The following MACF1 variants were observed in gnomAD, a reference collection of about 807,000 sequenced individuals.
MACF1 encodes microtubule-actin cross-linking factor 1.
MACF1 carries 193 observed loss-of-function variants against 854.8 expected under a neutral mutation model. That is an observed-to-expected ratio of 0.23 (90% confidence interval 0.20 to 0.25). MACF1 has a LOEUF of 0.25. Ranked by LOEUF, MACF1 falls within the 10% of genes least tolerant of loss-of-function variation. MACF1 has a pLI of 1.00. For synonymous variants in MACF1, 3,185 were observed against 3,226.7 expected (o/e 0.99, Z 0.44); for missense variants, 7,722 against 8,929.1 (o/e 0.86, Z 5.45).
intron 16 of MACF1, 98 bp from the exon 17 acceptor site, chr1:39,292,668 A>G (rs1019674781): frequency 2.3e-5 from 19 of 830,298 alleles, no homozygotes; most frequent in Non-Finnish European, 3.1e-5. Flanking sequence ...ACCAATCCAT[A>G]TCTCTATCTA....
At chr1:39,309,727 A>C (rs751068351) in intron 24 of MACF1, 31 bp downstream of exon 24, 1 of 1,595,012 alleles carries the variant, frequency 6.3e-7, no homozygotes, top group Non-Finnish European at 8.5e-7. Context: ...CCAGGCTTAC[A>C]TTCCATTGGC....
chr1:39,473,432 TTGC>T (rs1644814900), intron 97 of MACF1, among the ~76,000 whole-genome samples: 1 of 152,212 alleles, frequency 6.6e-6, no homozygotes, highest in Non-Finnish European at 1.5e-5. Context: ...CTCTTTTAAA[TTGC>T]TTTAATATTC....
At chr1:39,393,624 C>G (rs960527477) in intron 58 of MACF1, among the ~76,000 whole-genome samples, 7 of 151,782 alleles carry the variant, frequency 4.6e-5, no homozygotes, top group African/African-American at 1.7e-4. Flanking sequence ...GCCTGGGCAA[C>G]AAAATGAGGC....
chr1:39,474,315 G>A (rs1644834144), intron 97 of MACF1, among the ~76,000 whole-genome samples: 2 of 152,126 alleles, frequency 1.3e-5, no homozygotes, highest in Admixed American at 1.3e-4. Context: ...CTTGAACCCA[G>A]GAGGCAGAGG....
At chr1:39,207,793 A>G (rs571359817) in intron 1 of MACF1, among the ~76,000 whole-genome samples, 72 of 152,164 alleles carry the variant, frequency 4.7e-4, no homozygotes, top group Non-Finnish European at 8.7e-4. Context: ...AACATGCCCA[A>G]TATCATCTAA....
At chr1:39,393,181 T>TAAAAAA (rs1192045357) in intron 58 of MACF1, among the ~76,000 whole-genome samples, 2 of 90,258 alleles carry the variant, frequency 2.2e-5, no homozygotes, top group African/African-American at 4.9e-5. Context: ...CTGGGAAGGG[T>TAAAAAA]AAAAAAAAAA....
rs778957912 is a variant in MACF1 at position 39,368,139 on chromosome 1, G to T, written c.12772-9G>T. 6.2e-7 allele frequency: 1 copy of T among 1,612,904 alleles called. No homozygotes were observed. Among genetic ancestry groups the T allele is most frequent in the African/African-American group, 1.3e-5 (1 of 74,956 alleles). On this transcript the variant is annotated splice_polypyrimidine_tract_variant and intron_variant, in intron 49 of 100. Transcript: ENST00000564288. ...GAGGATTTAATACATTTCCTTGTTT[G>T]CTTGACAGGAGCTCAATTTGGAAAT...
chr1:39,419,835 G>GTA (rs1375942808), intron 58 of MACF1, among the ~76,000 whole-genome samples: 2 of 149,348 alleles, frequency 1.3e-5, no homozygotes, highest in East Asian at 3.9e-4. Context: ...GTGTGTGTGT[G>GTA]TGTGTGTATT....
chr1:39,189,218 G>T (rs1644215826), intron 2 of MACF1, among the ~76,000 whole-genome samples: 1 of 152,232 alleles, frequency 6.6e-6, no homozygotes, highest in Admixed American at 6.5e-5. Flanking sequence ...GGATTCTGCA[G>T]TACAATTTAC....
intron 6 of MACF1, chr1:39,268,695 G>A: frequency 7.9e-7 from 1 of 1,272,176 alleles, no homozygotes; most frequent in Non-Finnish European, 1.0e-6. Context: ...GGAGAGGAAG[G>A]AAATGGGAAA....
intron 2 of MACF1, among the ~76,000 whole-genome samples, chr1:39,106,026 T>TG (rs1206317085): frequency 1.3e-5 from 2 of 152,096 alleles, no homozygotes; most frequent in Non-Finnish European, 2.9e-5. Context: ...GGGGAGTTGC[T>TG]GGGGAGGAGG....
chr1:39,111,366 TTTTATTTA>T (rs34525332), intron 2 of MACF1, among the ~76,000 whole-genome samples: 101 of 148,250 alleles, frequency 6.8e-4, no homozygotes, highest in Middle Eastern at 3.4e-3. Context: ...CAGCTAATTA[TTTTATTTA>T]TTTATTTATT....
chr1:39,117,533 G>GGGGTGT (rs148072591), intron 2 of MACF1, among the ~76,000 whole-genome samples: 1 of 147,618 alleles, frequency 6.8e-6, no homozygotes, highest in African/African-American at 2.5e-5. Context: ...ACCTGCAAGA[G>GGGGTGT]GTGTGTGTGT....
intron 58 of MACF1, chr1:39,410,713 G>C (rs1214596850): frequency 1.2e-6 from 2 of 1,613,896 alleles, no homozygotes; most frequent in African/African-American, 2.7e-5. Flanking sequence ...GAGGATAGAA[G>C]CTTCTCTCAG....
chr1:39,343,259 C>T (rs768716054), intron 40 of MACF1, among the ~76,000 whole-genome samples: 4 of 152,138 alleles, frequency 2.6e-5, no homozygotes, highest in Admixed American at 6.5e-5. Flanking sequence ...AATGTCAGAA[C>T]GGAACTAGAA....
intron 56 of MACF1, among the ~76,000 whole-genome samples, chr1:39,384,072 CT>C (rs898297060): frequency 4.5e-4 from 68 of 152,242 alleles, no homozygotes; most frequent in African/African-American, 1.4e-3. Context: ...TGGTTTTGAT[CT>C]CTGTATGTCT....
At chr1:39,279,515 G>A (rs771908907) in intron 6 of MACF1, among the ~76,000 whole-genome samples, 3 of 151,920 alleles carry the variant, frequency 2.0e-5, no homozygotes, top group Non-Finnish European at 4.4e-5. Context: ...TTGATCACAA[G>A]GGAAGCTACT....
Position 39,385,423 on chromosome 1 carries a change from T to C in MACF1, c.13849-11T>C. The C allele has an allele frequency of 6.2e-7, 1 of 1,611,408 alleles. No individual in the cohort carries two copies. The highest frequency in any genetic ancestry group is 8.5e-7 in the Non-Finnish European group (1 of 1,178,168). On this transcript the variant is annotated splice_polypyrimidine_tract_variant and intron_variant, in intron 56 of 100. Transcript: ENST00000564288. ...TCCTGTCTAAACATCTTGGTGTCATTTCTATTTCAGTTTATGCTAAAGGAA... is the reference window on the plus strand; with the variant it reads ...TCCTGTCTAAACATCTTGGTGTCATCTCTATTTCAGTTTATGCTAAAGGAA...
intron 52 of MACF1, among the ~76,000 whole-genome samples, chr1:39,374,562 T>C (rs1649546309): frequency 6.6e-6 from 1 of 152,184 alleles, no homozygotes; most frequent in South Asian, 2.1e-4. Context: ...GTAACTATTT[T>C]AGGTTTGCAG....
Sources: gnomAD v4.1 joint callset for allele counts (sites outside exome capture counted in the v4.1 genomes callset) on GRCh38, gnomAD v4.1.1 for gene constraint, MANE v1.5 for transcripts, NCBI Gene and HGNC (gene_info 2026-07-23, HGNC 2026-07-21) for gene names.